BAZ2B: variants seen among roughly 807,000 people sequenced by gnomAD.
The protein encoded by BAZ2B is bromodomain adjacent to zinc finger domain 2B, also known as bromodomain adjacent to zinc finger domain protein 2B.
Under a neutral mutation model 246.0 loss-of-function variants are expected in BAZ2B, and 91 were observed. That is an observed-to-expected ratio of 0.37 (90% CI 0.31 to 0.44). The LOEUF (loss-of-function observed/expected upper bound fraction) is 0.44, where lower values mean the gene tolerates loss of function less well. Ranked by LOEUF, BAZ2B falls within the 20% of genes least tolerant of loss-of-function variation. The pLI is 1.00. For missense variants in BAZ2B, 2,332 were observed against 2,533.7 expected (o/e 0.92, Z 1.71); for synonymous variants, 855 against 860.0 (o/e 0.99, Z 0.10).
chr2:159,669,808 T>A, the BAZ2B span, among the ~76,000 whole-genome samples: 1 of 152,178 alleles, frequency 6.6e-6, no homozygotes. Context: ...AAGTATAGTT[T>A]GTTCTTTCTT....
chr2:159,461,501 T>A (rs972020016), intron 3 of BAZ2B: 1 of 152,588 alleles, frequency 6.6e-6, no homozygotes, highest in Non-Finnish European at 1.5e-5. Flanking sequence ...CATTTTCAGT[T>A]TTTGTTTATG....
chr2:159,576,759 A>G (rs1409997163), intron 1 of BAZ2B, among the ~76,000 whole-genome samples: 2 of 151,640 alleles, frequency 1.3e-5, no homozygotes, highest in Non-Finnish European at 2.9e-5. Context: ...TAAAAATACA[A>G]AAAATTAGCC....
At chr2:159,358,160 C>T (rs1043676014) in intron 27 of BAZ2B, among the ~76,000 whole-genome samples, 1 of 152,184 alleles carries the variant, frequency 6.6e-6, no homozygotes, top group Admixed American at 6.5e-5. Context: ...TTAAAAGACA[C>T]AGACTGGCAA....
chr2:159,651,579 G>T, the BAZ2B span, among the ~76,000 whole-genome samples: 1 of 152,000 alleles, frequency 6.6e-6, no homozygotes, highest in Non-Finnish European at 1.5e-5. Context: ...AAACATTATT[G>T]AAATATAATT....
At position 159,438,540 on chromosome 2, in the gene BAZ2B, C is replaced by T; in HGVS notation, c.1056G>A (p.Gln352=). The T allele has an allele frequency of 6.2e-7, 1 of 1,614,134 alleles. No homozygotes were observed. The highest frequency in any genetic ancestry group is 1.1e-5 in the South Asian group (1 of 91,088). ...AGCTTTGGAAAATAAATGGAAGCTG[C>T]TGTGACAAAACCTGAGGCTGCTTCT... ...SQQKQPQVLS[Q]QLPFIFQSSQ... is the part of the protein sequence containing the mutation. Residue 352 remains glutamine, a synonymous_variant, in exon 8 of 37, where the codon CAG becomes CAA. Coordinates refer to ENST00000392783, the MANE Select transcript of BAZ2B (RefSeq NM_013450.4).
intron 23 of BAZ2B, 50 bp from the exon 24 acceptor site, chr2:159,383,730 A>G (rs1241743597): frequency 6.9e-7 from 1 of 1,455,942 alleles, no homozygotes; most frequent in African/African-American, 1.4e-5. Context: ...AATTTATGCA[A>G]TGCATTAATT....
In BAZ2B at chr2:159,405,102, T is replaced by C; in HGVS notation, c.2690A>G (p.Gln897Arg). The change falls in exon 15 of 37, where the codon CAA (glutamine) becomes CGA (arginine). Residue 897 changes from glutamine to arginine, a missense_variant. Coordinates refer to ENST00000392783, the MANE Select transcript of BAZ2B (RefSeq NM_013450.4). ...RKLQAQEIAR[Q>R]AAQIKLLRKL... ...TCTCAAAAGCTTTATTTGTGCTGCT[T>C]GCCTGGCTATTTCTGAAAAACACAA... 6.2e-7 allele frequency: 1 copy of C among 1,614,094 alleles called. No individual in the cohort carries two copies. Among genetic ancestry groups the C allele is most frequent in the Middle Eastern group, 1.7e-4 (1 of 6,052 alleles).
chr2:159,626,882 G>T, the BAZ2B span, among the ~76,000 whole-genome samples: 3 of 152,196 alleles, frequency 2.0e-5, no homozygotes, highest in South Asian at 6.2e-4. Context: ...TCCAGGACCT[G>T]GTTTTTTGAA....
chr2:159,445,035 G>C (rs533612028), intron 6 of BAZ2B: 2 of 152,200 alleles, frequency 1.3e-5, no homozygotes, highest in Admixed American at 6.5e-5. Flanking sequence ...AGCTTACTTA[G>C]TTAGATAAAT....
At position 159,374,728 on chromosome 2, in the gene BAZ2B, A is replaced by T; in HGVS notation, c.4031T>A (p.Val1344Asp). ...DEDEGDQAAS[V>D]EELEKQIEKL... ...TTCAATCTGTTTTTCCAGCTCTTCA[A>T]CACTTGCTGCTTGGTCACCTTCATC... is the stretch of plus-strand genomic sequence containing the variant. The change falls in exon 26 of 37, where the codon GTT (valine) becomes GAT (aspartate). Residue 1344 changes from valine (V) to aspartate (D), a missense_variant. Coordinates refer to ENST00000392783, the MANE Select transcript of BAZ2B (RefSeq NM_013450.4). 6.2e-7 allele frequency: 1 copy of T among 1,613,240 alleles called. No homozygotes were observed. Among genetic ancestry groups the T allele is most frequent in the Non-Finnish European group, 8.5e-7 (1 of 1,179,544 alleles).
chr2:159,522,110 T>C (rs1338503078), intron 2 of BAZ2B, among the ~76,000 whole-genome samples: 2 of 152,080 alleles, frequency 1.3e-5, no homozygotes, highest in Non-Finnish European at 1.5e-5. Flanking sequence ...TCTGCAAATG[T>C]TGATTACCAA....
At chr2:159,615,464 C>T (rs1452870300) in intron 1 of BAZ2B, 1 of 152,566 alleles carries the variant, frequency 6.6e-6, no homozygotes, top group African/African-American at 2.4e-5. Flanking sequence ...GTATCCAGAT[C>T]TTTTCCCAAT....
chr2:159,500,411 G>T (rs2081583685), intron 2 of BAZ2B, among the ~76,000 whole-genome samples: 1 of 152,116 alleles, frequency 6.6e-6, no homozygotes, highest in African/African-American at 2.4e-5. Flanking sequence ...TGCTGTTTTG[G>T]TTACTGTAGC....
chr2:159,435,892 T>C (rs2072194924), intron 8 of BAZ2B, among the ~76,000 whole-genome samples: 1 of 152,236 alleles, frequency 6.6e-6, no homozygotes, highest in Admixed American at 6.5e-5. Flanking sequence ...TTTAGAAAAT[T>C]GTTAAGATAA....
rs536142293 is a variant in BAZ2B at position 159,599,797 on chromosome 2, G to T, written c.-46+16445C>A. Among the ~76,000 whole-genome samples, 6 of 151,564 alleles carry T rather than the reference G, an allele frequency of 4.0e-5. No individual in the cohort carries two copies. In the South Asian group the frequency reaches 1.2e-3, roughly 31 times the overall value. Reference sequence around the variant, plus strand: ...TAAAAATACAAAAAATTAGCCGGGCGTGGTAGCGGAAGCCTGTAGTCCCAG... The same window carrying T: ...TAAAAATACAAAAAATTAGCCGGGCTTGGTAGCGGAAGCCTGTAGTCCCAG... On this transcript the variant is annotated intron_variant, in intron 1 of 36. Transcript: ENST00000392783.
intron 1 of BAZ2B, among the ~76,000 whole-genome samples, chr2:159,589,066 T>C (rs530437857): frequency 1.8e-4 from 28 of 152,284 alleles, no homozygotes; most frequent in African/African-American, 6.5e-4. Flanking sequence ...TCTTTTAAAA[T>C]GTGGGAAGAA....
intron 8 of BAZ2B, 139 bp downstream of exon 8, chr2:159,438,164 G>T: frequency 1.3e-6 from 1 of 794,266 alleles, no homozygotes; most frequent in Non-Finnish European, 2.0e-6. Flanking sequence ...GTTTTCTGCT[G>T]TACATATTCT....
At chr2:159,364,146 C>G (rs2059987353) in intron 27 of BAZ2B, among the ~76,000 whole-genome samples, 1 of 152,108 alleles carries the variant, frequency 6.6e-6, no homozygotes, top group African/African-American at 2.4e-5. Flanking sequence ...CCATGTACCC[C>G]AGATGATTAT....
rs367646482 is a variant in BAZ2B, at chr2:159,337,778, T to C, written c.5455-6A>G. 1.4e-5 allele frequency: 23 copies of C among 1,610,962 alleles called. No individual in the cohort carries two copies. The highest frequency in any genetic ancestry group is 2.0e-5 in the Non-Finnish European group (23 of 1,177,758). On this transcript the variant is annotated splice_polypyrimidine_tract_variant and splice_region_variant and intron_variant, in intron 31 of 36. Transcript: ENST00000392783. The stretch of plus-strand genomic sequence containing the variant: ...GGCTCTGGACACATCCAACCCTATA[T>C]ATCAAGAGAATAGTGTTATTATGGT...
Sources: gnomAD v4.1 joint callset for allele counts (sites outside exome capture counted in the v4.1 genomes callset) on GRCh38, gnomAD v4.1.1 for gene constraint, MANE v1.5 for transcripts, NCBI Gene and HGNC (gene_info 2026-07-23, HGNC 2026-07-21) for gene names.